The following NOA1 variants were observed in gnomAD, a reference collection of about 807,000 sequenced individuals.
NOA1 encodes the protein nitric oxide-associated protein 1.
A neutral mutation model predicts 58.4 loss-of-function variants in NOA1; 35 were observed. That is an observed-to-expected ratio of 0.60 (90% CI 0.46 to 0.79). NOA1 has a LOEUF of 0.79. Among genes scored for constraint, NOA1 ranks in the 30% least tolerant of loss-of-function variants. The probability of loss-of-function intolerance (pLI) is 0.00; values close to 1 mark genes in which losing one functional copy is unlikely to be tolerated. For missense variants in NOA1, 895 were observed against 894.6 expected (o/e 1.00, Z -0.01); for synonymous variants, 397 against 373.4 (o/e 1.06, Z -0.73).
chr4:56,972,627 G>C (rs1721829080), intron 3 of NOA1, among the ~76,000 whole-genome samples: 2 of 152,274 alleles, frequency 1.3e-5, no homozygotes, highest in South Asian at 4.1e-4. Flanking sequence ...ACTCCTTTCA[G>C]TTCAAGATGG....
intron 1 of NOA1, among the ~76,000 whole-genome samples, chr4:56,975,149 G>C (rs556352111): frequency 1.3e-5 from 2 of 151,844 alleles, no homozygotes; most frequent in African/African-American, 4.8e-5. Flanking sequence ...TCAACCTCCT[G>C]AGTAGCTGGG....
At chr4:56,964,268 TG>T (rs1230619445) in intron 6 of NOA1, 137 bp downstream of exon 6, 2 of 877,594 alleles carry the variant, frequency 2.3e-6, no homozygotes, top group Admixed American at 4.9e-5. Context: ...GGTTTCTCCA[TG>T]TTGGTCAGGT....
rs1476960494 is a variant in NOA1 at position 56,976,758 on chromosome 4, C to G, written c.828G>C (p.Gly276=). ...ERLWEDCARA[G]LLLAPGHQGP... ...CTTGGTGGCCAGGGGCCAGCAGGAG[C>G]CCGGCGCGGGCACAGTCCTCCCACA... The change falls in exon 1 of 7, where the codon GGG becomes GGC. Residue 276 remains glycine (G), a synonymous_variant. Coordinates refer to ENST00000264230, the MANE Select transcript of NOA1 (RefSeq NM_032313.4). 8 of 1,609,710 alleles carry G rather than the reference C, an allele frequency of 5.0e-6. No individual in the cohort carries two copies. Among genetic ancestry groups the G allele is most frequent in the Non-Finnish European group, 6.8e-6 (8 of 1,177,492 alleles).
At position 56,973,849 on chromosome 4, in the gene NOA1, G is replaced by T. The variant is rs1276138326; in HGVS notation, c.1309+9C>A. 6.2e-7 allele frequency: 1 copy of T among 1,613,412 alleles called. No homozygotes were observed. Among genetic ancestry groups the T allele is most frequent in the African/African-American group, 1.3e-5 (1 of 74,992 alleles). The stretch of plus-strand genomic sequence containing the variant: ...TACCAACGAGGGTTTTCCCATAGAG[G>T]ATGCTTACCTACGACATAACCATGC... On this transcript the variant is annotated intron_variant, in intron 2 of 6. Coordinates refer to ENST00000264230, the MANE Select transcript of NOA1 (RefSeq NM_032313.4).
At chr4:56,966,323 C>T (rs968513967) in intron 5 of NOA1, among the ~76,000 whole-genome samples, 4 of 152,134 alleles carry the variant, frequency 2.6e-5, no homozygotes, top group African/African-American at 9.7e-5. Flanking sequence ...CCACACCTGG[C>T]CACTGAGCAA....
Position 56,977,053 on chromosome 4 carries a change from A to AGGGT in NOA1, c.532_533insACCC (p.Val178AspfsTer180). 6.3e-7 allele frequency: 1 copy of AGGGT among 1,582,826 alleles called. No homozygotes were observed. The highest frequency in any genetic ancestry group is 8.5e-7 in the Non-Finnish European group (1 of 1,169,970). On this transcript the variant is annotated frameshift_variant, in exon 1 of 7. Transcript: ENST00000264230. LOFTEE classifies it high-confidence loss of function. ...CGACAGCAGCCAGCAGCGCTGGCAC[A>AGGGT]CGGTCCGTGCCAGCCCGCCGTCTGC...
Position 56,963,362 on chromosome 4 carries a change from C to G in NOA1, c.*88G>C. ...AAGAAAAAAAGGGTAAGAATGGGAG[C>G]TTTATTTATGCGTTATATGTTTAAT... is the stretch of plus-strand genomic sequence containing the variant. On this transcript the variant is annotated 3_prime_UTR_variant, in exon 7 of 7. Coordinates refer to ENST00000264230, the MANE Select transcript of NOA1 (RefSeq NM_032313.4). 5 of 1,080,884 alleles carry G rather than the reference C, an allele frequency of 4.6e-6. No individual in the cohort carries two copies. The highest frequency in any genetic ancestry group is 2.2e-5 in the Admixed American group (1 of 46,438). The allele number at this position is 1,080,884 out of a possible 1,614,324, so 67.0% of individuals were successfully genotyped here.
rs540561273 is a variant in NOA1 at position 56,973,301 on chromosome 4, G to A, written c.1362C>T (p.Pro454=). 1.9e-6 allele frequency: 3 copies of A among 1,614,058 alleles called. No homozygotes were observed. Among genetic ancestry groups the A allele is most frequent in the African/African-American group, 1.3e-5 (1 of 75,004 alleles). ...LYSEEQKDNI[P]FEFDADSLAF... is the part of the protein sequence containing the mutation. Reference sequence around the variant, plus strand: ...CAAGTGAATCAGCATCAAACTCAAAGGGAATGTTATCCTTCTGTTCTTCTG... The same window carrying A: ...CAAGTGAATCAGCATCAAACTCAAAAGGAATGTTATCCTTCTGTTCTTCTG... The change falls in exon 3 of 7, where the codon CCC becomes CCT. Residue 454 remains proline, a synonymous_variant. Transcript: ENST00000264230.
chr4:56,969,481 A>G (rs975342999), intron 3 of NOA1, among the ~76,000 whole-genome samples: 1 of 152,184 alleles, frequency 6.6e-6, no homozygotes, highest in African/African-American at 2.4e-5. Flanking sequence ...CTGAGGCAGG[A>G]GAATCACTTG....
At position 56,977,076 on chromosome 4, in the gene NOA1, T is replaced by C; in HGVS notation, c.510A>G (p.Ala170=). Residue 170 remains alanine (A), a synonymous_variant, in exon 1 of 7, where the codon GCA becomes GCG. Transcript: ENST00000264230. ...ACACGGTCCGTGCCAGCCCGCCGTCTGCCTCCGCCGTGCGGAGGAACTTCT... is the reference window on the plus strand; with the variant it reads ...ACACGGTCCGTGCCAGCCCGCCGTCCGCCTCCGCCGTGCGGAGGAACTTCT... ...PREKFLRTAE[A]DGGLARTVCQ... 1 of 1,573,694 alleles carries C rather than the reference T, an allele frequency of 6.4e-7. No individual in the cohort carries two copies. The highest frequency in any genetic ancestry group is 8.6e-7 in the Non-Finnish European group (1 of 1,164,000).
Position 56,964,426 on chromosome 4 carries a change from T to G in NOA1, c.1865A>C (p.Asp622Ala). ...ATTACCTGCAGAGGAAAACTTGATGTCGGCCACTGCTTCAGATGCCCCCAG... is the reference window on the plus strand; with the variant it reads ...ATTACCTGCAGAGGAAAACTTGATGGCGGCCACTGCTTCAGATGCCCCCAG... ...EGLGASEAVA[D>A]IKFSSAGWVS... The change falls in exon 6 of 7, where the codon GAC (aspartate) becomes GCC (alanine). Residue 622 changes from aspartate to alanine, a missense_variant. Physicochemically the swap from Asp to Ala is moderately radical, Grantham distance 126. Transcript: ENST00000264230. 6.2e-7 allele frequency: 1 copy of G among 1,614,146 alleles called. No homozygotes were observed. The highest frequency in any genetic ancestry group is 1.3e-5 in the African/African-American group (1 of 75,042).
At chr4:56,968,185 T>G (rs1183602135) in intron 4 of NOA1, among the ~76,000 whole-genome samples, 199 bp downstream of exon 4, 1 of 152,162 alleles carries the variant, frequency 6.6e-6, no homozygotes, top group East Asian at 1.9e-4. Context: ...CCCACAGTGC[T>G]GGAATTACAG....
intron 3 of NOA1, 33 bp from the exon 4 acceptor site, chr4:56,968,548 AC>A: frequency 6.8e-7 from 1 of 1,466,928 alleles, no homozygotes; most frequent in South Asian, 1.2e-5. Context: ...TTAAGAAAAT[AC>A]TTTTATTGAA....
chr4:56,975,047 G>T (rs72606404), intron 1 of NOA1, among the ~76,000 whole-genome samples: 2 of 150,748 alleles, frequency 1.3e-5, no homozygotes, highest in African/African-American at 4.9e-5. Context: ...CTGTTTTTTT[G>T]GGTCTCTGTT....
In NOA1 at chr4:56,973,842, CAT is replaced by C; in HGVS notation, c.1309+14_1309+15del. 1 of 1,612,756 alleles carries C rather than the reference CAT, an allele frequency of 6.2e-7. No individual in the cohort carries two copies. Among genetic ancestry groups the C allele is most frequent in the Non-Finnish European group, 8.5e-7 (1 of 1,179,170 alleles). On this transcript the variant is annotated intron_variant, in intron 2 of 6. Transcript: ENST00000264230. ...AGCATAGTACCAACGAGGGTTTTCC[CAT>C]AGAGGATGCTTACCTACGACATAAC... is the stretch of plus-strand genomic sequence containing the variant.
Position 56,965,693 on chromosome 4 carries a change from GGTGTGTGTGTGTGTGTGTGT to G in NOA1, c.1764+907_1764+926del, listed in dbSNP as rs10548713. Among the ~76,000 whole-genome samples, 3 of 149,172 alleles carry G rather than the reference GGTGTGTGTGTGTGTGTGTGT, an allele frequency of 2.0e-5. 1 individual carries two copies. The highest frequency in any genetic ancestry group is 7.4e-5 in the African/African-American group (3 of 40,482). ...ACTATAGCTTAATTGTCCAAAGTAT[GGTGTGTGTGTGTGTGTGTGT>G]GTGTGTGTGTGTGTATTGGTGATGA... On this transcript the variant is annotated intron_variant, in intron 5 of 6. Coordinates refer to ENST00000264230, the MANE Select transcript of NOA1 (RefSeq NM_032313.4).
At chr4:56,974,077 T>G in intron 1 of NOA1, 55 bp from the exon 2 acceptor site, 1 of 1,088,764 alleles carries the variant, frequency 9.2e-7, no homozygotes, top group Non-Finnish European at 1.2e-6. Flanking sequence ...GGGAAGAAAA[T>G]GAACATTTTT....
intron 6 of NOA1, 28 bp from the exon 7 acceptor site, chr4:56,963,689 A>C: frequency 6.4e-7 from 1 of 1,563,726 alleles, no homozygotes; most frequent in Non-Finnish European, 8.8e-7. Context: ...ACAACACAAA[A>C]GGCTGTTAGC....
intron 4 of NOA1, 72 bp downstream of exon 4, chr4:56,968,312 T>G: frequency 7.0e-7 from 1 of 1,432,936 alleles, no homozygotes. Context: ...TCAGTCGTGT[T>G]CATACATCTG....
Sources: gnomAD v4.1 joint callset for allele counts (sites outside exome capture counted in the v4.1 genomes callset) on GRCh38, gnomAD v4.1.1 for gene constraint, MANE v1.5 for transcripts, NCBI Gene and HGNC (gene_info 2026-07-23, HGNC 2026-07-21) for gene names.